RAPGEF6: variants seen among roughly 807,000 people sequenced by gnomAD.
RAPGEF6 encodes PDZ domain containing guanine nucleotide exchange factor (GEF) 2.
RAPGEF6 carries 56 observed loss-of-function variants against 171.4 expected under a neutral mutation model. That is an observed-to-expected ratio of 0.33 (90% CI 0.26 to 0.41). RAPGEF6 has a LOEUF of 0.41. Ranked by LOEUF, RAPGEF6 falls within the 10% of genes least tolerant of loss-of-function variation. RAPGEF6 has a pLI of 1.00. For missense variants in RAPGEF6, 1,674 were observed against 1,921.4 expected (o/e 0.87, Z 2.41); for synonymous variants, 692 against 650.1 (o/e 1.06, Z -0.98).
chr5:131,447,664 G>C (rs1752809109), intron 21 of RAPGEF6, among the ~76,000 whole-genome samples: 3 of 152,172 alleles, frequency 2.0e-5, no homozygotes, highest in South Asian at 2.1e-4. Flanking sequence ...TCTAAATTAA[G>C]CTCCATTTTT....
chr5:131,432,653 G>A (rs1751782160), intron 25 of RAPGEF6, among the ~76,000 whole-genome samples: 1 of 151,210 alleles, frequency 6.6e-6, no homozygotes, highest in African/African-American at 2.4e-5. Context: ...AAAAAAAAAA[G>A]TTTTACTGGG....
chr5:131,546,874 A>G (rs1214977715), intron 6 of RAPGEF6, among the ~76,000 whole-genome samples: 2 of 152,204 alleles, frequency 1.3e-5, no homozygotes, highest in Non-Finnish European at 1.5e-5. Flanking sequence ...GAATTGCAAA[A>G]TATCATCAAA....
At chr5:131,626,695 A>G (rs566978669) in intron 1 of RAPGEF6, among the ~76,000 whole-genome samples, 1 of 152,238 alleles carries the variant, frequency 6.6e-6, no homozygotes, top group South Asian at 2.1e-4. Context: ...AATAGGGACC[A>G]TGTCTAACTC....
intron 1 of RAPGEF6, among the ~76,000 whole-genome samples, chr5:131,617,112 G>A (rs566436962): frequency 6.6e-6 from 1 of 152,294 alleles, no homozygotes; most frequent in East Asian, 1.9e-4. Context: ...AAGTTATGCT[G>A]AGGAATCTTC....
chr5:131,447,896 A>T (rs1441036929), intron 21 of RAPGEF6, among the ~76,000 whole-genome samples: 2 of 152,218 alleles, frequency 1.3e-5, no homozygotes. Context: ...ATGACAAGAC[A>T]TTATTTACAT....
chr5:131,576,679 C>T (rs1477980047), intron 4 of RAPGEF6, among the ~76,000 whole-genome samples: 2 of 152,140 alleles, frequency 1.3e-5, no homozygotes, highest in African/African-American at 2.4e-5. Context: ...TTTTTTCCTT[C>T]TCATTTATCA....
At chr5:131,516,179 C>T (rs1365019715) in intron 7 of RAPGEF6, among the ~76,000 whole-genome samples, 1 of 149,336 alleles carries the variant, frequency 6.7e-6, no homozygotes, top group African/African-American at 2.5e-5. Context: ...CCTCTGCCTC[C>T]TGGGTTCAAG....
At chr5:131,500,590 T>G (rs1756955618) in intron 11 of RAPGEF6, among the ~76,000 whole-genome samples, 1 of 152,152 alleles carries the variant, frequency 6.6e-6, no homozygotes, top group Admixed American at 6.5e-5. Flanking sequence ...CACACAAATT[T>G]CCTGCTTTTT....
chr5:131,633,286 G>T (rs976433166), intron 1 of RAPGEF6, among the ~76,000 whole-genome samples: 52 of 152,272 alleles, frequency 3.4e-4, no homozygotes, highest in African/African-American at 1.2e-3. Flanking sequence ...AGTGAGCAGA[G>T]ATCGTGCCAC....
intron 16 of RAPGEF6, among the ~76,000 whole-genome samples, chr5:131,474,939 G>C (rs1409528872): frequency 6.6e-6 from 1 of 152,152 alleles, no homozygotes; most frequent in Non-Finnish European, 1.5e-5. Flanking sequence ...ATGTTAAAAA[G>C]TTACAATTTT....
chr5:131,618,443 C>A (rs935071964), intron 1 of RAPGEF6, among the ~76,000 whole-genome samples: 5 of 151,890 alleles, frequency 3.3e-5, no homozygotes, highest in Non-Finnish European at 7.4e-5. Flanking sequence ...CCAGCCCAGG[C>A]AACACAGTGG....
chr5:131,442,875 C>T (rs529978883), intron 22 of RAPGEF6, among the ~76,000 whole-genome samples: 2 of 152,088 alleles, frequency 1.3e-5, no homozygotes, highest in South Asian at 2.1e-4. Flanking sequence ...GCAACCTCCA[C>T]CTCCCAGGTT....
At chr5:131,574,209 T>C (rs898235593) in intron 4 of RAPGEF6, among the ~76,000 whole-genome samples, 3 of 152,176 alleles carry the variant, frequency 2.0e-5, no homozygotes, top group Admixed American at 1.3e-4. Flanking sequence ...CTGTGCCCTA[T>C]CTGTGCGGGA....
intron 16 of RAPGEF6, chr5:131,473,052 C>T (rs1394413728): frequency 1.5e-5 from 4 of 270,636 alleles, no homozygotes; most frequent in African/African-American, 2.2e-5. Context: ...GGGAACCCTT[C>T]AAATTTGCCA....
intron 3 of RAPGEF6, among the ~76,000 whole-genome samples, chr5:131,596,100 G>A (rs1407484113): frequency 6.6e-6 from 1 of 150,700 alleles, no homozygotes; most frequent in Non-Finnish European, 1.5e-5. Context: ...GGTGCAGTGA[G>A]CCAAGGTCGC....
intron 1 of RAPGEF6, among the ~76,000 whole-genome samples, chr5:131,607,356 A>C (rs1764665592): frequency 2.0e-5 from 3 of 152,222 alleles, no homozygotes; most frequent in African/African-American, 4.8e-5. Context: ...ACTACCACAG[A>C]ATGAACCAAA....
chr5:131,544,258 C>A (rs913412559), intron 6 of RAPGEF6, among the ~76,000 whole-genome samples: 4 of 152,124 alleles, frequency 2.6e-5, no homozygotes, highest in Non-Finnish European at 5.9e-5. Flanking sequence ...TAAATGTTTA[C>A]AGTAGCTTTA....
At chr5:131,633,755 T>G (rs1766460785) in intron 1 of RAPGEF6, among the ~76,000 whole-genome samples, 1 of 152,120 alleles carries the variant, frequency 6.6e-6, no homozygotes, top group South Asian at 2.1e-4. Context: ...AACATTAAAT[T>G]AAATTAAATT....
intron 1 of RAPGEF6, among the ~76,000 whole-genome samples, chr5:131,628,628 CT>C (rs556037729): frequency 6.6e-6 from 1 of 152,182 alleles, no homozygotes; most frequent in Non-Finnish European, 1.5e-5. Context: ...AAGATGCCAC[CT>C]AAGACTTCCA....
Sources: allele counts gnomAD v4.1 joint callset (sites outside exome capture counted in the v4.1 genomes callset), GRCh38; gene constraint gnomAD v4.1.1; transcripts MANE v1.5; gene names NCBI Gene and HGNC (gene_info 2026-07-23, HGNC 2026-07-21).